Variants in KIAA0753 observed in about 807,000 individuals in gnomAD.
KIAA0753 encodes KIAA0753.
A neutral mutation model predicts 116.9 loss-of-function variants in KIAA0753; 114 were observed. The ratio of observed to expected loss-of-function variants is 0.98; its 90% CI spans 0.84 to 1.14. The LOEUF (loss-of-function observed/expected upper bound fraction) is 1.14. Among genes scored for constraint, KIAA0753 ranks in the 50% most tolerant of loss-of-function variants. The probability of loss-of-function intolerance (pLI) is 0.00; values close to 1 mark genes in which losing one functional copy is unlikely to be tolerated. For synonymous variants in KIAA0753, 405 were observed against 413.1 expected (o/e 0.98, Z 0.24); for missense variants, 1,156 against 1,172.4 (o/e 0.99, Z 0.20).
intron 1 of KIAA0753, chr17:6,635,383 A>G (rs1272528805): frequency 8.8e-6 from 2 of 226,018 alleles, no homozygotes; most frequent in Non-Finnish European, 1.6e-5. Flanking sequence ...AAACAAAAAA[A>G]AATAGGGGAA....
At chr17:6,606,191 A>C (rs1970183782) in intron 12 of KIAA0753, among the ~76,000 whole-genome samples, 1 of 152,214 alleles carries the variant, frequency 6.6e-6, no homozygotes, top group African/African-American at 2.4e-5. Flanking sequence ...TGAAATCTTT[A>C]CTACAGACAA....
At position 6,623,495 on chromosome 17, in the gene KIAA0753, T is replaced by G; in HGVS notation, c.888+14A>C. 2.5e-6 allele frequency: 4 copies of G among 1,577,690 alleles called. No homozygotes were observed. The highest frequency in any genetic ancestry group is 3.5e-6 in the Non-Finnish European group (4 of 1,151,054). ...TTATAAGCAAGTATTGATCATAATT[T>G]AATTGCAGCATACCTTCTTAGTGTG... On this transcript the variant is annotated intron_variant, in intron 5 of 18. Coordinates refer to ENST00000361413, the MANE Select transcript of KIAA0753 (RefSeq NM_014804.3).
At chr17:6,599,348 G>T in intron 13 of KIAA0753, 28 bp from the exon 14 acceptor site, 1 of 1,445,184 alleles carries the variant, frequency 6.9e-7, no homozygotes, top group South Asian at 1.1e-5. Context: ...TACATTCATG[G>T]AGTATAAAGA....
Position 6,607,202 on chromosome 17 carries a change from A to G in KIAA0753, c.1898T>C (p.Ile633Thr), listed in dbSNP as rs1204275795. The change falls in exon 11 of 19, where the codon ATT becomes ACT. Residue 633 changes from isoleucine to threonine, a missense_variant. Physicochemically the swap from Ile to Thr is moderately conservative, Grantham distance 89. Coordinates refer to ENST00000361413, the MANE Select transcript of KIAA0753 (RefSeq NM_014804.3). ...KELEELKAKE[I>T]DSMQKQRLDW... ...TTACCTCTGTTTTTGCATGCTGTCA[A>G]TTTCCTTGGCTTTTAACTCTTCTAG... 3.1e-6 allele frequency: 5 copies of G among 1,613,956 alleles called. No homozygotes were observed. The highest frequency in any genetic ancestry group is 2.7e-5 in the African/African-American group (2 of 74,886).
chr17:6,595,047 G>A lies in KIAA0753; in HGVS notation c.2365C>T (p.Gln789Ter), dbSNP rs749044639. The A allele has an allele frequency of 8.8e-6, 14 of 1,594,196 alleles. No homozygotes were observed. Among genetic ancestry groups the A allele is most frequent in the Admixed American group, 3.5e-5 (2 of 56,534 alleles). The change falls in exon 16 of 19, where the codon CAG (glutamine) becomes TAG (stop). Residue 789 changes from glutamine to a stop codon, truncating the protein, a stop_gained. Coordinates refer to ENST00000361413, the MANE Select transcript of KIAA0753 (RefSeq NM_014804.3). LOFTEE classifies it high-confidence loss of function. ...TTATATCTTTGACGAACAGACTCCT[G>A]GTATTTCTTTAAAAAAAAAGAAAAA... ...MRRMEEMEKY[Q>*]ESVRQRYNKI...
At position 6,628,539 on chromosome 17, in the gene KIAA0753, T is replaced by A; in HGVS notation, c.296A>T (p.Tyr99Phe). The change falls in exon 3 of 19, where the codon TAT (tyrosine) becomes TTT (phenylalanine). Residue 99 changes from tyrosine (Y) to phenylalanine (F), a missense_variant. Tyr to Phe is a conservative substitution (Grantham distance 22). Transcript: ENST00000361413. The part of the protein sequence containing the change: ...FSVISQERLS[Y>F]AVHLARRDVK... ...ATCTCTTCTGGCTAGGTGGACAGCA[T>A]AGCTAAGTCTCTCTTGGGATATGAC... 1.2e-6 allele frequency: 2 copies of A among 1,614,232 alleles called. No individual in the cohort carries two copies. The highest frequency in any genetic ancestry group is 1.6e-4 in the Middle Eastern group (1 of 6,062).
Position 6,639,578 on chromosome 17 carries a change from C to A in KIAA0753, c.-69+1059G>T, listed in dbSNP as rs1176753720. On this transcript the variant is annotated intron_variant, in intron 1 of 18. Coordinates refer to ENST00000361413, the MANE Select transcript of KIAA0753 (RefSeq NM_014804.3). This position sits in a 1 kb window ranked among gnomAD's most constrained non-coding sequence, Gnocchi z 4.3. ...TGTCCACAGAAGCCTAAGGCTCTCT[C>A]GTAAGCTGCCCCTAAGCCCAGAGCT... 6.5e-6 allele frequency: 1 copy of A among 152,892 alleles called. No individual in the cohort carries two copies. The highest frequency in any genetic ancestry group is 2.4e-5 in the African/African-American group (1 of 41,440). 9.5% of individuals were successfully genotyped at this position (152,892 alleles called of 1,614,324 possible).
chr17:6,621,012 A>G lies in KIAA0753; in HGVS notation c.1105-14T>C. ...AGATTCCAAAGCCTGCCACAAAAAC[A>G]ATCAATTATTCTCTTAGTTTATCTC... On this transcript the variant is annotated splice_polypyrimidine_tract_variant and intron_variant, in intron 6 of 18. Transcript: ENST00000361413. The G allele has an allele frequency of 6.2e-7, 1 of 1,610,368 alleles. No homozygotes were observed. Among genetic ancestry groups the G allele is most frequent in the Non-Finnish European group, 8.5e-7 (1 of 1,178,538 alleles).
chr17:6,611,814 C>T, intron 8 of KIAA0753, 105 bp downstream of exon 8: 1 of 826,138 alleles, frequency 1.2e-6, no homozygotes, highest in Non-Finnish European at 2.0e-6. Context: ...TCAAGGACTG[C>T]AGCATCCAAT....
intron 13 of KIAA0753, 95 bp downstream of exon 13, chr17:6,600,283 CTT>C (rs1312928482): frequency 1.1e-6 from 1 of 894,900 alleles, no homozygotes; most frequent in Non-Finnish European, 1.8e-6. Flanking sequence ...CACAGAGACA[CTT>C]AGCCCTATAA....
At chr17:6,602,004 A>G (rs78870292) in intron 12 of KIAA0753, among the ~76,000 whole-genome samples, 8,838 of 152,270 alleles carry the variant, frequency 0.058, 423 homozygotes, top group African/African-American at 0.13. Context: ...ACACTTCATA[A>G]TCAGCACTAG....
intron 18 of KIAA0753, among the ~76,000 whole-genome samples, chr17:6,582,728 T>C (rs1213680561): frequency 1.3e-5 from 2 of 152,266 alleles, no homozygotes; most frequent in African/African-American, 4.8e-5. Flanking sequence ...CTCTTCTCTA[T>C]TGACTTGGAC....
intron 4 of KIAA0753, 84 bp downstream of exon 4, chr17:6,624,667 ATCTT>A: frequency 1.2e-6 from 1 of 860,326 alleles, no homozygotes. Flanking sequence ...TCTAGTGCTA[ATCTT>A]TCTGAGACAA....
At position 6,614,928 on chromosome 17, in the gene KIAA0753, A is replaced by T. The variant is rs557910304; in HGVS notation, c.1316-2780T>A. On this transcript the variant is annotated intron_variant, in intron 7 of 18. Coordinates refer to ENST00000361413, the MANE Select transcript of KIAA0753 (RefSeq NM_014804.3). Reference sequence around the variant, plus strand: ...ATTCTCCTGCCTCAGCCTCCTGAGCAGCCGGGATTACAGGCATGTGCCACC... The same window carrying T: ...ATTCTCCTGCCTCAGCCTCCTGAGCTGCCGGGATTACAGGCATGTGCCACC... Among the ~76,000 whole-genome samples, 6 of 152,278 alleles carry T rather than the reference A, an allele frequency of 3.9e-5. No individual in the cohort carries two copies. In the South Asian group the frequency reaches 1.2e-3, roughly 32 times the overall value.
At chr17:6,600,271 G>A (rs1009504827) in intron 13 of KIAA0753, 109 bp downstream of exon 13, 3 of 788,418 alleles carry the variant, frequency 3.8e-6, no homozygotes, top group Admixed American at 2.1e-5. Context: ...TCTTCCAGAT[G>A]CCACAGAGAC....
In KIAA0753 at chr17:6,620,979, T is replaced by C. The variant is rs17794522; in HGVS notation, c.1124A>G (p.Glu375Gly). 6.2e-7 allele frequency: 1 copy of C among 1,613,206 alleles called. No homozygotes were observed. ...QQIEALESLL[E>G]KKLSPKKVKK... ...CACCTTTTTTGGTGACAGTTTCTTTTCCAGGAGAGATTCCAAAGCCTGCCA... is the reference window on the plus strand; with the variant it reads ...CACCTTTTTTGGTGACAGTTTCTTTCCCAGGAGAGATTCCAAAGCCTGCCA... Residue 375 changes from glutamate (E) to glycine (G), a missense_variant, in exon 7 of 19, where the codon GAA becomes GGA. Coordinates refer to ENST00000361413, the MANE Select transcript of KIAA0753 (RefSeq NM_014804.3).
At chr17:6,621,895 A>G (rs1471798599) in intron 6 of KIAA0753, among the ~76,000 whole-genome samples, 1 of 152,240 alleles carries the variant, frequency 6.6e-6, no homozygotes, top group African/African-American at 2.4e-5. Flanking sequence ...ATTTGACAAC[A>G]GCATTCCTCA....
intron 3 of KIAA0753, among the ~76,000 whole-genome samples, chr17:6,625,340 G>C (rs1239385319): frequency 1.3e-5 from 2 of 152,148 alleles, no homozygotes. Flanking sequence ...AGTCTTTGCT[G>C]TTTAATAGAG....
intron 3 of KIAA0753, among the ~76,000 whole-genome samples, chr17:6,625,758 A>G (rs1196002354): frequency 1.3e-5 from 2 of 152,188 alleles, no homozygotes; most frequent in Non-Finnish European, 2.9e-5. Context: ...GCAGAGTCTC[A>G]CACTGTCACC....
Sources: gnomAD v4.1 joint callset for allele counts (sites outside exome capture counted in the v4.1 genomes callset) on GRCh38, gnomAD v4.1.1 for gene constraint, Gnocchi (gnomAD v3.1) non-coding constraint, MANE v1.5 for transcripts, NCBI Gene and HGNC (gene_info 2026-07-23, HGNC 2026-07-21) for gene names.